Variants in GGT1 observed in about 807,000 individuals in gnomAD.
The protein encoded by GGT1 is gamma-glutamyltransferase 1.
A neutral mutation model predicts 56.0 loss-of-function variants in GGT1; 21 were observed. That is an observed-to-expected ratio of 0.38 (90% confidence interval 0.27 to 0.54). The LOEUF (loss-of-function observed/expected upper bound fraction) is 0.54. Among genes scored for constraint, GGT1 ranks in the 20% least tolerant of loss-of-function variants. GGT1 has a pLI of 0.82. For synonymous variants in GGT1, 238 were observed against 342.6 expected, an observed-to-expected ratio of 0.69 and a Z score of 3.37; for missense variants, 466 against 787.0, an observed-to-expected ratio of 0.59 and a Z score of 4.88.
upstream of GGT1, chr22:24,589,979 G>C (rs1265119280): frequency 1.9e-6 from 3 of 1,541,864 alleles, no homozygotes; most frequent in African/African-American, 4.1e-5. Context: ...AGTTGAGTGA[G>C]CCCGTTGGGT....
At chr22:24,609,788 C>T (rs1279623567) in intron 2 of GGT1, 177 bp from the exon 3 acceptor site, 4 of 321,248 alleles carry the variant, frequency 1.2e-5, no homozygotes, top group Non-Finnish European at 2.6e-5. Flanking sequence ...AGGGTCACTG[C>T]TGCCACTCAC....
At chr22:24,586,906 C>T in the GGT1 span, among the ~76,000 whole-genome samples, 17 of 152,206 alleles carry the variant, frequency 1.1e-4, no homozygotes, top group Non-Finnish European at 1.8e-4. Flanking sequence ...GAAAATGGGA[C>T]GTGGTTGTTG....
intron 11 of GGT1, among the ~76,000 whole-genome samples, chr22:24,626,373 A>G (rs1439840364): frequency 1.0e-5 from 1 of 99,620 alleles, no homozygotes; most frequent in African/African-American, 4.2e-5. Context: ...CTCCTCCTTG[A>G]CCTCCTCATC....
chr22:24,585,730 G>GCCACCTGC, the GGT1 span: 1 of 891,418 alleles, frequency 1.1e-6, no homozygotes, highest in Admixed American at 2.9e-5. Context: ...TGGCCACCTG[G>GCCACCTGC]CCACCTATGA....
chr22:24,597,301 C>T (rs1326042392), intron 1 of GGT1, among the ~76,000 whole-genome samples: 5 of 152,080 alleles, frequency 3.3e-5, no homozygotes, highest in African/African-American at 7.2e-5. Context: ...ATTCTAATCC[C>T]GTATGATCTC....
At chr22:24,602,805 C>A (rs537392857), upstream of GGT1, among the ~76,000 whole-genome samples, 47 of 152,290 alleles carry the variant, frequency 3.1e-4, 2 homozygotes, top group South Asian at 7.0e-3. Context: ...TAGAGGTGAA[C>A]TAGGCTCCTC....
chr22:24,627,744 G>A (rs1365680365), intron 12 of GGT1, 108 bp from the exon 13 acceptor site: 14 of 1,563,440 alleles, frequency 9.0e-6, no homozygotes, highest in Non-Finnish European at 8.7e-6. Context: ...CCCAACCTTG[G>A]TAGCTTATCC....
Position 24,611,248 on chromosome 22 carries a change from G to T in GGT1, c.164+3G>T, listed in dbSNP as rs1229153889. On this transcript the variant is annotated splice_donor_region_variant and intron_variant, in intron 5 of 15. Transcript: ENST00000400382. Reference sequence around the variant, plus strand: ...AAGCAGTGCTCGAAGATTGGGAGGTGAGCAGGGCAGGGCATGGGACATGGG... The same window carrying T: ...AAGCAGTGCTCGAAGATTGGGAGGTTAGCAGGGCAGGGCATGGGACATGGG... 1.6e-5 allele frequency: 24 copies of T among 1,537,872 alleles called. No homozygotes were observed. Among genetic ancestry groups the T allele is most frequent in the Non-Finnish European group, 2.0e-5 (23 of 1,133,824 alleles).
At chr22:24,612,004 G>A (rs374884429) in intron 5 of GGT1, among the ~76,000 whole-genome samples, 6 of 152,000 alleles carry the variant, frequency 3.9e-5, no homozygotes, top group Non-Finnish European at 7.4e-5. Context: ...ACAGGGTTTT[G>A]CTATGTTGGC....
chr22:24,612,788 A>T (rs1293075304), intron 5 of GGT1, among the ~76,000 whole-genome samples: 1 of 152,090 alleles, frequency 6.6e-6, no homozygotes, highest in Non-Finnish European at 1.5e-5. Flanking sequence ...TGGCCTCCCA[A>T]AGTGCTGGGA....
chr22:24,615,348 G>C (rs559510902), intron 7 of GGT1, among the ~76,000 whole-genome samples: 110 of 152,280 alleles, frequency 7.2e-4, no homozygotes, highest in African/African-American at 2.6e-3. Flanking sequence ...GGCCTCCGGG[G>C]CCACTCTGTG....
the GGT1 span, chr22:24,589,693 C>G: frequency 2.8e-6 from 3 of 1,076,920 alleles, no homozygotes; most frequent in Non-Finnish European, 3.9e-6. Context: ...CAGACAGGGA[C>G]AGTGACTTGC....
At chr22:24,586,033 C>G in the GGT1 span, 7 of 1,611,178 alleles carry the variant, frequency 4.3e-6, no homozygotes, top group Non-Finnish European at 5.9e-6. Context: ...TGCGCTGGCT[C>G]AGCCGCCGGC....
At position 24,620,949 on chromosome 22, in the gene GGT1, G is replaced by C. The variant is rs747819016; in HGVS notation, c.612G>C (p.Glu204Asp). The C allele has an allele frequency of 1.2e-6, 2 of 1,612,016 alleles. No homozygotes were observed. Among genetic ancestry groups the C allele is most frequent in the Admixed American group, 1.7e-5 (1 of 60,016 alleles). Residue 204 changes from glutamate (E) to aspartate (D), a missense_variant, in exon 9 of 16, where the codon GAG becomes GAC. Physicochemically the swap from Glu to Asp is conservative, Grantham distance 45. Transcript: ENST00000400382. The surrounding 1 kb of genome is among the most constrained non-coding windows in gnomAD (Gnocchi z 5.6). Reference protein sequence around the residue: ...VFCRDRKVLREGERLTLPQLA... With the variant: ...VFCRDRKVLRDGERLTLPQLA... ...GCCGGGATAGAAAGGTGCTTCGGGAGGGGGAGAGACTGACCCTGCCGCAGC... is the reference window on the plus strand; with the variant it reads ...GCCGGGATAGAAAGGTGCTTCGGGACGGGGAGAGACTGACCCTGCCGCAGC...
intron 11 of GGT1, chr22:24,624,684 GTGCTGTTCC>G: frequency 2.0e-6 from 2 of 983,614 alleles, no homozygotes; most frequent in East Asian, 2.3e-4. Flanking sequence ...CTGGCTCGGG[GTGCTGTTCC>G]TACAATGCTC....
At chr22:24,627,177 GTGAT>G (rs2047840503) in intron 11 of GGT1, 1 of 1,087,040 alleles carries the variant, frequency 9.2e-7, no homozygotes, top group South Asian at 1.7e-5. Flanking sequence ...GAAGGAATGA[GTGAT>G]TGAATGCAGC....
intron 1 of GGT1, among the ~76,000 whole-genome samples, chr22:24,596,742 CAAAAAAA>C (rs57547019): frequency 1.7e-4 from 18 of 108,348 alleles, no homozygotes; most frequent in African/African-American, 6.1e-4. Context: ...TACTAAAATA[CAAAAAAA>C]AAAAAAAAAA....
chr22:24,613,362 C>T (rs2046838975), intron 5 of GGT1, among the ~76,000 whole-genome samples: 2 of 152,166 alleles, frequency 1.3e-5, no homozygotes, highest in African/African-American at 2.4e-5. Context: ...TGTAAGCCAC[C>T]ATCTCTAGCC....
intron 7 of GGT1, among the ~76,000 whole-genome samples, chr22:24,618,780 T>TGCCAA (rs1330917691): frequency 1.3e-5 from 2 of 152,128 alleles, no homozygotes; most frequent in South Asian, 2.1e-4. Context: ...GAGCCACAGC[T>TGCCAA]GCCAAGCCAA....
Sources: allele counts gnomAD v4.1 joint callset (sites outside exome capture counted in the v4.1 genomes callset), GRCh38; gene constraint gnomAD v4.1.1; non-coding constraint Gnocchi (gnomAD v3.1); transcripts MANE v1.5; gene names NCBI Gene and HGNC (gene_info 2026-07-23, HGNC 2026-07-21).